TLN2: variants seen among roughly 807,000 people sequenced by gnomAD.
TLN2 encodes talin-2.
TLN2 carries 118 observed loss-of-function variants against 294.7 expected under a neutral mutation model. The ratio of observed to expected loss-of-function variants is 0.40; its 90% CI spans 0.34 to 0.47. The LOEUF is 0.47. Ranked by LOEUF, TLN2 falls within the 20% of genes least tolerant of loss-of-function variation. The probability of loss-of-function intolerance (pLI) is 0.84; values close to 1 mark genes in which losing one functional copy is unlikely to be tolerated. For synonymous variants in TLN2, 1,431 were observed against 1,304.5 expected, an observed-to-expected ratio of 1.10 and a Z score of -2.09; for missense variants, 3,083 against 3,282.2, an observed-to-expected ratio of 0.94 and a Z score of 1.48.
intron 14 of TLN2, among the ~76,000 whole-genome samples, chr15:62,696,344 A>T (rs961621601): frequency 1.3e-5 from 2 of 152,182 alleles, no homozygotes; most frequent in African/African-American, 4.8e-5. Context: ...CCACCCTCAG[A>T]CTTTTTACCT....
chr15:62,802,778 G>T (rs2066021212), intron 50 of TLN2, among the ~76,000 whole-genome samples: 1 of 152,160 alleles, frequency 6.6e-6, no homozygotes, highest in African/African-American at 2.4e-5. Context: ...TTTAACTGGG[G>T]TGAAATGATA....
rs150270416 is a variant in TLN2, at chr15:62,838,940, G to A, written c.7459G>A (p.Asp2487Asn). 705 of 1,614,150 alleles carry A rather than the reference G, an allele frequency of 4.4e-4. 6 individuals are homozygous for A. The highest frequency in any genetic ancestry group is 3.5e-3 in the Middle Eastern group (21 of 6,062). The stretch of plus-strand genomic sequence containing the variant: ...AGCTTTTGGCAAAGCTGATGACGAC[G>A]ATGTTGTAGTGAAAACCAAGTTTGT... ...KAAFGKADDDDVVVKTKFVGG... is the reference protein window; with the variant it reads ...KAAFGKADDDNVVVKTKFVGG... Residue 2487 changes from aspartate (D) to asparagine (N), a missense_variant, in exon 58 of 59, where the codon GAT becomes AAT. By Grantham distance (23) the Asp-to-Asn change is conservative. Transcript: ENST00000636159.
chr15:62,585,476 C>T (rs2045519228), intron 1 of TLN2, among the ~76,000 whole-genome samples: 1 of 152,112 alleles, frequency 6.6e-6, no homozygotes, highest in Non-Finnish European at 1.5e-5. Context: ...GAGAGGTGTA[C>T]TTAAGCTTCC....
intron 1 of TLN2, among the ~76,000 whole-genome samples, chr15:62,537,257 C>T (rs138341013): frequency 1.4e-4 from 21 of 152,210 alleles, no homozygotes; most frequent in African/African-American, 4.3e-4. Flanking sequence ...CCTCGTGATC[C>T]GCCCACCTCT....
chr15:62,400,076 C>T lies in TLN2; in HGVS notation c.-238+9391C>T, dbSNP rs138770888. ...GTTATTGAATTATGGGGGCGGTTAC[C>T]GCCATGCTGTTCTTCTGATAGTAAG... On this transcript the variant is annotated intron_variant, in intron 1 of 58. Coordinates refer to ENST00000636159, the MANE Select transcript of TLN2 (RefSeq NM_015059.3). Among the ~76,000 whole-genome samples, 286 of 152,298 alleles carry T rather than the reference C, an allele frequency of 1.9e-3. 1 individual carries two copies. The highest frequency in any genetic ancestry group is 0.017 in the Middle Eastern group (5 of 294).
chr15:62,488,766 GTGTGA>G (rs1272021549), intron 1 of TLN2, among the ~76,000 whole-genome samples: 3 of 152,176 alleles, frequency 2.0e-5, no homozygotes, highest in African/African-American at 7.2e-5. Flanking sequence ...GAGCCTCTCA[GTGTGA>G]TAATGTTCTG....
chr15:62,792,995 C>T (rs1444734436), intron 46 of TLN2, among the ~76,000 whole-genome samples: 1 of 152,184 alleles, frequency 6.6e-6, no homozygotes, highest in East Asian at 1.9e-4. Flanking sequence ...AATTTGAGGG[C>T]TTAGAGGGAC....
chr15:62,650,225 T>G lies in TLN2; in HGVS notation c.234+44T>G, dbSNP rs78380253. 2,824 of 1,599,078 alleles carry G rather than the reference T, an allele frequency of 1.8e-3. 33 individuals carry two copies. The African/African-American group carries it at 0.032, about 18-fold the overall frequency. On this transcript the variant is annotated intron_variant, in intron 5 of 58. Coordinates refer to ENST00000636159, the MANE Select transcript of TLN2 (RefSeq NM_015059.3). The stretch of plus-strand genomic sequence containing the variant: ...TGCTGTTTCTTCATCCCTTTGTCCC[T>G]GGGCCTTCTTCCATAGACGCCAACA...
chr15:62,756,200 A>G (rs893022490), intron 37 of TLN2, among the ~76,000 whole-genome samples: 3 of 152,206 alleles, frequency 2.0e-5, no homozygotes, highest in Admixed American at 6.5e-5. Flanking sequence ...AATTCTGTTT[A>G]TAGCTGTTTG....
chr15:62,454,975 C>G (rs994655243), intron 1 of TLN2, among the ~76,000 whole-genome samples: 5 of 152,118 alleles, frequency 3.3e-5, no homozygotes, highest in Admixed American at 1.3e-4. Flanking sequence ...CACTTTTCCT[C>G]CCCCCGGGGG....
At chr15:62,727,212 C>T in intron 28 of TLN2, 23 bp downstream of exon 28, 2 of 1,602,094 alleles carry the variant, frequency 1.2e-6, no homozygotes, top group Non-Finnish European at 8.5e-7. Context: ...CCCTTCATGC[C>T]ACTGTGGCCA....
At chr15:62,507,515 C>G (rs892861338) in intron 1 of TLN2, among the ~76,000 whole-genome samples, 1 of 152,194 alleles carries the variant, frequency 6.6e-6, no homozygotes, top group African/African-American at 2.4e-5. Flanking sequence ...ATTTCATAAT[C>G]ATAACCCAGG....
intron 1 of TLN2, among the ~76,000 whole-genome samples, chr15:62,516,145 A>C (rs894348210): frequency 6.6e-5 from 10 of 152,242 alleles, no homozygotes; most frequent in African/African-American, 2.4e-4. Context: ...TTGTGCAAGT[A>C]GAGACCATGT....
chr15:62,760,834 A>T (rs1390780464), intron 37 of TLN2, among the ~76,000 whole-genome samples: 1 of 152,156 alleles, frequency 6.6e-6, no homozygotes, highest in African/African-American at 2.4e-5. Flanking sequence ...CATAAGATAC[A>T]CACAGAGAAA....
At chr15:62,562,530 CATTTATTT>C (rs34080138) in intron 1 of TLN2, among the ~76,000 whole-genome samples, 6 of 150,114 alleles carry the variant, frequency 4.0e-5, no homozygotes, top group Admixed American at 6.7e-5. Context: ...ATCTCTCCTC[CATTTATTT>C]ATTTATTTAT....
rs2035560660 is a variant in TLN2, at chr15:62,441,840, C to T, written c.-238+51155C>T. ...ACATGAAGGACTGGGTTCAGACAAG[C>T]TTCCAGATGGATAAACACGTGGAGG... On this transcript the variant is annotated intron_variant, in intron 1 of 58. Transcript: ENST00000636159. Among the ~76,000 whole-genome samples the T allele has an allele frequency of 2.6e-5, 4 of 152,186 alleles. No individual in the cohort carries two copies. The South Asian group carries it at 8.3e-4, about 32-fold the overall frequency.
At chr15:62,457,354 C>T (rs576895393) in intron 1 of TLN2, among the ~76,000 whole-genome samples, 2 of 152,328 alleles carry the variant, frequency 1.3e-5, no homozygotes, top group South Asian at 4.1e-4. Context: ...CTGTCGTGAC[C>T]TCATCTAAAC....
intron 51 of TLN2, 72 bp downstream of exon 51, chr15:62,805,857 A>T (rs962422890): frequency 6.6e-7 from 1 of 1,514,724 alleles, no homozygotes; most frequent in East Asian, 2.3e-5. Context: ...GTGTAGTCTG[A>T]AAAAGGGGAG....
chr15:62,754,147 A>G lies in TLN2; in HGVS notation c.4476+231A>G, dbSNP rs2062091905. On this transcript the variant is annotated intron_variant, in intron 36 of 58. Coordinates refer to ENST00000636159, the MANE Select transcript of TLN2 (RefSeq NM_015059.3). Reference sequence around the variant, plus strand: ...GGGTGCCAGAAGGCAAAAGGAGTGAAGTAATCACAGTGAGATTGACAAGGA... The same window carrying G: ...GGGTGCCAGAAGGCAAAAGGAGTGAGGTAATCACAGTGAGATTGACAAGGA... 23 of 460,872 alleles carry G rather than the reference A, an allele frequency of 5.0e-5. No homozygotes were observed. In the South Asian group the frequency reaches 9.2e-4, roughly 18 times the overall value. The allele number at this position is 460,872 out of a possible 1,614,324, so 28.5% of individuals were successfully genotyped here. A position where few individuals can be genotyped will look rare whatever the true frequency, so the allele number is the denominator to read the frequency against.
Sources: gnomAD v4.1 joint callset for allele counts (sites outside exome capture counted in the v4.1 genomes callset) on GRCh38, gnomAD v4.1.1 for gene constraint, MANE v1.5 for transcripts, NCBI Gene and HGNC (gene_info 2026-07-23, HGNC 2026-07-21) for gene names.